Variants in IMPACT observed in about 807,000 individuals in gnomAD.
The protein encoded by IMPACT is impact RWD domain protein.
In IMPACT, 35 loss-of-function variants were observed where a neutral mutation model predicts 47.5. The ratio of observed to expected loss-of-function variants is 0.74; its 90% CI spans 0.56 to 0.98. The LOEUF (loss-of-function observed/expected upper bound fraction) is 0.98. Ranked by LOEUF, IMPACT falls within the 50% of genes least tolerant of loss-of-function variation. IMPACT has a pLI of 0.00. For missense variants in IMPACT, 373 were observed against 394.8 expected, an observed-to-expected ratio of 0.94 and a Z score of 0.47; for synonymous variants, 118 against 125.6, an observed-to-expected ratio of 0.94 and a Z score of 0.40.
At position 24,450,869 on chromosome 18, in the gene IMPACT, T is replaced by G. The variant is rs770229624; in HGVS notation, c.*22T>G. Reference sequence around the variant, plus strand: ...TTAATACCTGAAACTATAGGAAAGGTTAATTTGCCTATAATTATATATACA... The same window carrying G: ...TTAATACCTGAAACTATAGGAAAGGGTAATTTGCCTATAATTATATATACA... On this transcript the variant is annotated 3_prime_UTR_variant, in exon 11 of 11. Transcript: ENST00000284202. The G allele has an allele frequency of 7.4e-7, 1 of 1,359,582 alleles. No homozygotes were observed. The highest frequency in any genetic ancestry group is 1.1e-6 in the Non-Finnish European group (1 of 951,996). The allele number at this position is 1,359,582 out of a possible 1,614,324, so 84.2% of individuals were successfully genotyped here.
chr18:24,429,310 T>C (rs113456688), intron 3 of IMPACT, among the ~76,000 whole-genome samples: 256 of 152,320 alleles, frequency 1.7e-3, no homozygotes, highest in African/African-American at 5.7e-3. Flanking sequence ...GAGTTACTTA[T>C]GATGCTTCTG....
At chr18:24,430,018 C>A (rs191627954) in intron 3 of IMPACT, among the ~76,000 whole-genome samples, 2 of 152,116 alleles carry the variant, frequency 1.3e-5, no homozygotes, top group East Asian at 3.9e-4. Flanking sequence ...ACCTCGTGAT[C>A]TGCCCGCCTC....
Position 24,441,730 on chromosome 18 carries a change from C to T in IMPACT, c.490+1112C>T, listed in dbSNP as rs1599765753. On this transcript the variant is annotated intron_variant, in intron 6 of 10. Coordinates refer to ENST00000284202, the MANE Select transcript of IMPACT (RefSeq NM_018439.4). ...AGTTTTAAGGCTTTTGAATGGTGTCCAGGACTAGTAGAAGGGAACAAAGAG... is the reference window on the plus strand; with the variant it reads ...AGTTTTAAGGCTTTTGAATGGTGTCTAGGACTAGTAGAAGGGAACAAAGAG... Among the ~76,000 whole-genome samples the T allele has an allele frequency of 2.6e-5, 4 of 152,080 alleles. No homozygotes were observed. The South Asian group carries it at 8.3e-4, about 32-fold the overall frequency.
chr18:24,434,092 C>G (rs1908840669), intron 4 of IMPACT, among the ~76,000 whole-genome samples: 1 of 152,076 alleles, frequency 6.6e-6, no homozygotes, highest in African/African-American at 2.4e-5. Context: ...GTAATCCCAG[C>G]ATTTTGGGAA....
chr18:24,433,041 C>T (rs1011910700), intron 4 of IMPACT, among the ~76,000 whole-genome samples: 35 of 152,068 alleles, frequency 2.3e-4, no homozygotes, highest in Non-Finnish European at 4.1e-4. Context: ...TTGAAACTTA[C>T]GAAGTGTCAG....
chr18:24,438,881 A>G (rs929680256), intron 5 of IMPACT, among the ~76,000 whole-genome samples: 1 of 152,146 alleles, frequency 6.6e-6, no homozygotes, highest in African/African-American at 2.4e-5. Flanking sequence ...AACAGAACCA[A>G]TTGAATATAT....
chr18:24,437,871 G>T, intron 4 of IMPACT, 84 bp from the exon 5 acceptor site: 1 of 714,734 alleles, frequency 1.4e-6, no homozygotes, highest in South Asian at 1.6e-5. Flanking sequence ...ATAATGTCTT[G>T]GATTGCAAAT....
chr18:24,438,854 T>A (rs618589), intron 5 of IMPACT, among the ~76,000 whole-genome samples: 20,566 of 152,186 alleles, frequency 0.14, 1,616 homozygotes, highest in Non-Finnish European at 0.16. Flanking sequence ...AATGCTGTAG[T>A]CAGGGTTCTC....
At chr18:24,450,737 A>T (rs917180226) in intron 10 of IMPACT, 42 bp from the exon 11 acceptor site, 1 of 1,265,232 alleles carries the variant, frequency 7.9e-7, no homozygotes, top group African/African-American at 1.5e-5. Context: ...TTTCATCTTT[A>T]TGTAAATGGA....
chr18:24,427,907 A>G lies in IMPACT; in HGVS notation c.37-12A>G, dbSNP rs529864975. 6.3e-7 allele frequency: 1 copy of G among 1,593,894 alleles called. No individual in the cohort carries two copies. Among genetic ancestry groups the G allele is most frequent in the South Asian group, 1.2e-5 (1 of 86,898 alleles). ...TACATTTGTTGACTTTTAAAAAATC[A>G]ATTTCTTTCAGAATGAGGAAATTGA... On this transcript the variant is annotated splice_polypyrimidine_tract_variant and intron_variant, in intron 1 of 10. Transcript: ENST00000284202.
intron 1 of IMPACT, chr18:24,427,181 C>G (rs1908632225): frequency 5.2e-6 from 1 of 192,360 alleles, no homozygotes; most frequent in South Asian, 1.9e-4. Context: ...CCTGCAGGTC[C>G]CGAGAGCCCA....
intron 8 of IMPACT, among the ~76,000 whole-genome samples, chr18:24,447,023 ACTC>A (rs1599767786): frequency 6.6e-6 from 1 of 152,022 alleles, no homozygotes; most frequent in South Asian, 2.1e-4. Flanking sequence ...TCTTTATTTC[ACTC>A]CTCTATGGCT....
chr18:24,428,215 A>G (rs1023219228), intron 2 of IMPACT, among the ~76,000 whole-genome samples, 168 bp downstream of exon 2: 23 of 152,250 alleles, frequency 1.5e-4, no homozygotes, highest in Admixed American at 2.6e-4. Flanking sequence ...CAAATCATAC[A>G]TTAATTGATA....
At chr18:24,441,621 T>C (rs1043288121) in intron 6 of IMPACT, among the ~76,000 whole-genome samples, 5 of 152,218 alleles carry the variant, frequency 3.3e-5, no homozygotes, top group Non-Finnish European at 7.3e-5. Flanking sequence ...TAGGAAAACA[T>C]GGTAGACCAG....
intron 4 of IMPACT, among the ~76,000 whole-genome samples, chr18:24,431,399 GAGAGGT>G (rs2144332038): frequency 6.6e-6 from 1 of 152,262 alleles, no homozygotes; most frequent in South Asian, 2.1e-4. Flanking sequence ...AAAGGACCTG[GAGAGGT>G]AGACAAGACA....
chr18:24,438,094 T>TAAAA, intron 5 of IMPACT, 54 bp downstream of exon 5: 1 of 784,828 alleles, frequency 1.3e-6, no homozygotes, highest in Non-Finnish European at 2.2e-6. Context: ...ACTACATTTT[T>TAAAA]ATGTAGATAC....
intron 7 of IMPACT, among the ~76,000 whole-genome samples, chr18:24,443,533 A>G (rs147958526): frequency 9.5e-4 from 145 of 152,322 alleles, no homozygotes; most frequent in African/African-American, 3.4e-3. Context: ...CCTCTAATGA[A>G]TCTTTAAATA....
intron 10 of IMPACT, 27 bp from the exon 11 acceptor site, chr18:24,450,752 T>C: frequency 6.7e-7 from 1 of 1,493,586 alleles, no homozygotes; most frequent in Non-Finnish European, 9.3e-7. Context: ...AATGGAGAGA[T>C]GCTGCACTGA....
chr18:24,428,362 T>G (rs768128586), intron 2 of IMPACT, among the ~76,000 whole-genome samples: 11 of 152,194 alleles, frequency 7.2e-5, no homozygotes, highest in Non-Finnish European at 1.5e-4. Flanking sequence ...TGGCTAACAT[T>G]TAAAAGGAAA....
Sources: allele counts gnomAD v4.1 joint callset (sites outside exome capture counted in the v4.1 genomes callset), GRCh38; gene constraint gnomAD v4.1.1; transcripts MANE v1.5; gene names NCBI Gene and HGNC (gene_info 2026-07-23, HGNC 2026-07-21).